Variants in XIRP2 observed in about 807,000 individuals in gnomAD.
XIRP2 encodes xin actin-binding repeat-containing protein 2.
Under a neutral mutation model 277.0 loss-of-function variants are expected in XIRP2, and 236 were observed. The ratio of observed to expected loss-of-function variants is 0.85; its 90% CI spans 0.77 to 0.95. The LOEUF (loss-of-function observed/expected upper bound fraction) is 0.95. Among genes scored for constraint, XIRP2 ranks in the 40% least tolerant of loss-of-function variants. XIRP2 has a pLI of 0.00. For missense variants in XIRP2, 4,640 were observed against 4,157.5 expected, an observed-to-expected ratio of 1.12 and a Z score of -3.19; for synonymous variants, 1,490 against 1,416.5, an observed-to-expected ratio of 1.05 and a Z score of -1.17.
At position 167,247,140 on chromosome 2, in the gene XIRP2, GC is replaced by G; in HGVS notation, c.5749del (p.Leu1917PhefsTer10). 1 of 1,613,470 alleles carries G rather than the reference GC, an allele frequency of 6.2e-7. No homozygotes were observed. The highest frequency in any genetic ancestry group is 8.5e-7 in the Non-Finnish European group (1 of 1,179,744). On this transcript the variant is annotated frameshift_variant, in exon 9 of 11. Coordinates refer to ENST00000409195, the MANE Select transcript of XIRP2 (RefSeq NM_152381.6). LOFTEE classifies it high-confidence loss of function. ...CAAAGACAGAAATTCTGAAAAAGGA[GC>G]TTCTCAAAGATGACCTGGAAACATC... is the stretch of plus-strand genomic sequence containing the variant. ...NTKTEILKKELLKDDLETSLR... is the reference protein window; with the variant it reads ...NTKTEILKKEXLKDDLETSLR...
intron 3 of XIRP2, among the ~76,000 whole-genome samples, chr2:167,180,359 T>G (rs1692978141): frequency 1.3e-5 from 2 of 152,162 alleles, no homozygotes; most frequent in South Asian, 4.1e-4. Context: ...ATATTAATCC[T>G]TATCTAGGTC....
intron 3 of XIRP2, among the ~76,000 whole-genome samples, chr2:167,152,276 T>A (rs1692040615): frequency 6.6e-6 from 1 of 152,060 alleles, no homozygotes; most frequent in Non-Finnish European, 1.5e-5. Context: ...AAGAACAGCA[T>A]CCTTTGGAGT....
chr2:167,226,628 C>G (rs966192289), intron 5 of XIRP2, among the ~76,000 whole-genome samples: 5 of 152,094 alleles, frequency 3.3e-5, no homozygotes, highest in Non-Finnish European at 7.4e-5. Context: ...TTCCCTTGCC[C>G]TCATAAAAGC....
In XIRP2 at chr2:167,242,831, G is replaced by A; in HGVS notation, c.1439G>A (p.Arg480Lys). ...TCCCCTGAACTGCCCAGTCCTCCTA[G>A]AAGACTACCAGTCCCCAAAGATGTA... ...SQSPELPSPPRRLPVPKDVYS... is the reference protein window; with the variant it reads ...SQSPELPSPPKRLPVPKDVYS... The change falls in exon 9 of 11, where the codon AGA becomes AAA. Residue 480 changes from arginine (R) to lysine (K), a missense_variant. Transcript: ENST00000409195. The A allele has an allele frequency of 6.2e-7, 1 of 1,614,058 alleles. No individual in the cohort carries two copies. Among genetic ancestry groups the A allele is most frequent in the Non-Finnish European group, 8.5e-7 (1 of 1,179,992 alleles).
chr2:166,946,878 A>G (rs901249217), intron 2 of XIRP2, among the ~76,000 whole-genome samples: 2 of 152,168 alleles, frequency 1.3e-5, no homozygotes, highest in Non-Finnish European at 2.9e-5. Context: ...GATAACAATC[A>G]GATTCCACTG....
At chr2:167,253,990 GAAGAT>G in intron 9 of XIRP2, 37 bp from the exon 10 acceptor site, 5 of 1,525,008 alleles carry the variant, frequency 3.3e-6, no homozygotes, top group Non-Finnish European at 4.4e-6. Flanking sequence ...CAATATGATT[GAAGAT>G]AACACTACAG....
chr2:167,161,699 C>G (rs1692369921), intron 3 of XIRP2, among the ~76,000 whole-genome samples: 2 of 152,196 alleles, frequency 1.3e-5, no homozygotes, highest in South Asian at 4.1e-4. Flanking sequence ...GGAAGGGCTG[C>G]CTTGAAGACC....
chr2:167,252,774 A>G (rs1254454989), intron 9 of XIRP2, among the ~76,000 whole-genome samples: 1 of 151,952 alleles, frequency 6.6e-6, no homozygotes, highest in Non-Finnish European at 1.5e-5. Flanking sequence ...AGTTTAGTCC[A>G]TTCTTTTAGA....
At chr2:166,908,093 A>G (rs1028955016) in intron 2 of XIRP2, among the ~76,000 whole-genome samples, 1 of 152,126 alleles carries the variant, frequency 6.6e-6, no homozygotes, top group African/African-American at 2.4e-5. Context: ...ATATGTCTTT[A>G]TAGCAGCATG....
rs200725671 is a variant in XIRP2, at chr2:167,248,919, A to T, written c.7527A>T (p.Ala2509=). The T allele has an allele frequency of 6.8e-6, 11 of 1,613,792 alleles. No individual in the cohort carries two copies. In the East Asian group the frequency reaches 2.5e-4, roughly 36 times the overall value. Reference sequence around the variant, plus strand: ...CACACACAGTTCCAGGAACTTCAGCACCCAGGAAAAAACAGATTGCGCCTC... The same window carrying T: ...CACACACAGTTCCAGGAACTTCAGCTCCCAGGAAAAAACAGATTGCGCCTC... ...CLSHTVPGTS[A]PRKKQIAPLI... The change falls in exon 9 of 11, where the codon GCA becomes GCT. Residue 2509 remains alanine, a synonymous_variant. Transcript: ENST00000409195.
chr2:167,083,402 G>A (rs1196608403), intron 2 of XIRP2, among the ~76,000 whole-genome samples: 1 of 152,200 alleles, frequency 6.6e-6, no homozygotes, highest in Non-Finnish European at 1.5e-5. Context: ...TGTTCTTTTT[G>A]CTTAGGATTG....
chr2:167,214,679 G>T (rs1440848370), intron 4 of XIRP2, among the ~76,000 whole-genome samples: 1 of 151,882 alleles, frequency 6.6e-6, no homozygotes, highest in East Asian at 2.0e-4. Flanking sequence ...CAAATCTCCT[G>T]CCTCAGCCTC....
chr2:166,895,720 GATT>G (rs1294105730), intron 1 of XIRP2, among the ~76,000 whole-genome samples: 4 of 152,144 alleles, frequency 2.6e-5, no homozygotes, highest in Non-Finnish European at 5.9e-5. Flanking sequence ...TTCATACCCA[GATT>G]CTGACTTAGC....
chr2:167,146,725 G>A (rs1338012868), intron 3 of XIRP2, among the ~76,000 whole-genome samples: 1 of 151,972 alleles, frequency 6.6e-6, no homozygotes, highest in Admixed American at 6.6e-5. Flanking sequence ...TAAAGGACCA[G>A]TTAGGTCCTT....
rs78262707 is a variant in XIRP2 at position 167,200,444 on chromosome 2, C to T, written c.563-10291C>T. On this transcript the variant is annotated intron_variant, in intron 3 of 10. Transcript: ENST00000409195. ...AAAACATGAGGAACCATTAAGGGGG[C>T]GGGGTGGAAAGAGCAGATCTGTCTC... 2.2e-3 allele frequency among the ~76,000 whole-genome samples: 342 copies of T among 152,180 alleles called. 11 individuals are homozygous for T. The East Asian group carries it at 0.055, about 24-fold the overall frequency.
intron 2 of XIRP2, among the ~76,000 whole-genome samples, chr2:167,110,778 A>T (rs762737737): frequency 9.2e-5 from 14 of 152,176 alleles, no homozygotes; most frequent in Non-Finnish European, 1.9e-4. Flanking sequence ...AGCTATTTTA[A>T]TGATATTATT....
chr2:166,994,706 T>C (rs971887698), intron 2 of XIRP2, among the ~76,000 whole-genome samples: 2 of 151,634 alleles, frequency 1.3e-5, no homozygotes, highest in African/African-American at 4.8e-5. Context: ...AAAAAAACTT[T>C]AAAAATTTGA....
intron 5 of XIRP2, among the ~76,000 whole-genome samples, chr2:167,227,627 A>G (rs2105412589): frequency 6.6e-6 from 1 of 152,206 alleles, no homozygotes; most frequent in East Asian, 1.9e-4. Flanking sequence ...GGATGACTTG[A>G]GCCCAGGTGT....
At chr2:166,956,291 A>G (rs1686159600) in intron 2 of XIRP2, among the ~76,000 whole-genome samples, 1 of 151,888 alleles carries the variant, frequency 6.6e-6, no homozygotes, top group East Asian at 1.9e-4. Context: ...CTAAATAGCT[A>G]GCAGTGAAGT....
Sources: allele counts gnomAD v4.1 joint callset (sites outside exome capture counted in the v4.1 genomes callset), GRCh38; gene constraint gnomAD v4.1.1; transcripts MANE v1.5; gene names NCBI Gene and HGNC (gene_info 2026-07-23, HGNC 2026-07-21).